The following SEMA6D variants were observed in gnomAD, a reference collection of about 807,000 sequenced individuals.
The protein encoded by SEMA6D is semaphorin 6D, also known as semaphorin-6D.
In SEMA6D, 35 loss-of-function variants were observed where a neutral mutation model predicts 106.6. That is an observed-to-expected ratio of 0.33 (90% confidence interval 0.25 to 0.44). The LOEUF (loss-of-function observed/expected upper bound fraction) is 0.44. SEMA6D is among the 20% of genes least tolerant of loss of function. The pLI is 1.00. For synonymous variants in SEMA6D, 499 were observed against 487.7 expected, an observed-to-expected ratio of 1.02 and a Z score of -0.31; for missense variants, 1,185 against 1,345.9, an observed-to-expected ratio of 0.88 and a Z score of 1.87.
At chr15:47,230,932 T>A (rs997811946) in intron 1 of SEMA6D, among the ~76,000 whole-genome samples, 2 of 151,946 alleles carry the variant, frequency 1.3e-5, no homozygotes, top group Non-Finnish European at 2.9e-5. Flanking sequence ...TACAAATAAA[T>A]CTTAGTCACT....
At chr15:47,717,012 CG>C (rs2079135349), upstream of SEMA6D, 1 of 152,180 alleles carries the variant, frequency 6.6e-6, no homozygotes, top group Non-Finnish European at 1.5e-5. Context: ...CAGAACTTCA[CG>C]GAACAACTGC....
chr15:47,470,479 G>A (rs774633359), exon 3 of SEMA6D: 3 of 151,534 alleles, frequency 2.0e-5, no homozygotes, highest in Non-Finnish European at 2.9e-5. Context: ...TGTAGAATGC[G>A]TAATCCTGGA....
chr15:47,278,201 G>A (rs1381907782), intron 1 of SEMA6D, among the ~76,000 whole-genome samples: 45 of 152,172 alleles, frequency 3.0e-4, no homozygotes, highest in South Asian at 2.9e-3. Flanking sequence ...GACTTCCACA[G>A]TGGTTGAACT....
intron 3 of SEMA6D, among the ~76,000 whole-genome samples, chr15:47,576,156 A>G (rs767017621): frequency 3.9e-5 from 6 of 152,230 alleles, no homozygotes; most frequent in Non-Finnish European, 8.8e-5. Context: ...TTTTAACTGA[A>G]AGCTACCTTG....
At chr15:47,610,591 C>A (rs1292513899) in intron 4 of SEMA6D, among the ~76,000 whole-genome samples, 4 of 152,194 alleles carry the variant, frequency 2.6e-5, no homozygotes, top group Non-Finnish European at 5.9e-5. Context: ...TATCATTTTT[C>A]ACTCTTTTGA....
At chr15:47,409,307 A>G (rs2040703266) in intron 1 of SEMA6D, among the ~76,000 whole-genome samples, 1 of 152,218 alleles carries the variant, frequency 6.6e-6, no homozygotes, top group Admixed American at 6.5e-5. Flanking sequence ...CTGCCAAGAA[A>G]AGAAAATCCT....
chr15:47,690,351 T>TG (rs1285557726), intron 4 of SEMA6D, among the ~76,000 whole-genome samples: 5 of 152,206 alleles, frequency 3.3e-5, no homozygotes, highest in Non-Finnish European at 5.9e-5. Context: ...TAATGATAGA[T>TG]GGAAAAAAAA....
At chr15:47,534,533 A>G (rs1215518228) in intron 3 of SEMA6D, among the ~76,000 whole-genome samples, 1 of 152,204 alleles carries the variant, frequency 6.6e-6, no homozygotes, top group Admixed American at 6.5e-5. Flanking sequence ...GCCTAATAAA[A>G]TAATTTTCAT....
chr15:47,347,235 A>G (rs550800356), intron 1 of SEMA6D, among the ~76,000 whole-genome samples: 1 of 152,296 alleles, frequency 6.6e-6, no homozygotes, highest in South Asian at 2.1e-4. Flanking sequence ...TCTAAGGTAA[A>G]CCAAATTACC....
chr15:47,632,677 G>A (rs1031441925), intron 4 of SEMA6D, among the ~76,000 whole-genome samples: 1 of 151,882 alleles, frequency 6.6e-6, no homozygotes, highest in East Asian at 1.9e-4. Context: ...TTTGAAGTGA[G>A]TTTCTTATAA....
At chr15:47,367,714 A>G (rs2039107519) in intron 1 of SEMA6D, among the ~76,000 whole-genome samples, 1 of 147,834 alleles carries the variant, frequency 6.8e-6, no homozygotes, top group Non-Finnish European at 1.5e-5. Context: ...ACACACACAC[A>G]CACACACACA....
chr15:47,501,842 TGGA>T (rs978380717), intron 3 of SEMA6D, among the ~76,000 whole-genome samples: 1 of 149,630 alleles, frequency 6.7e-6, no homozygotes, highest in African/African-American at 2.5e-5. Context: ...ACCTACTGGC[TGGA>T]GGAGATTTTT....
chr15:47,187,738 A>G (rs887420440), intron 1 of SEMA6D, among the ~76,000 whole-genome samples: 1 of 152,032 alleles, frequency 6.6e-6, no homozygotes. Flanking sequence ...TTTTTCTCCT[A>G]TGTCATAAAT....
chr15:47,532,960 T>C (rs1470171505), intron 3 of SEMA6D, among the ~76,000 whole-genome samples: 4 of 152,080 alleles, frequency 2.6e-5, no homozygotes, highest in Non-Finnish European at 5.9e-5. Flanking sequence ...TTTGATGATA[T>C]TGATGATGAT....
intron 1 of SEMA6D, among the ~76,000 whole-genome samples, chr15:47,378,580 T>C (rs1182433856): frequency 6.6e-6 from 1 of 152,186 alleles, no homozygotes; most frequent in African/African-American, 2.4e-5. Context: ...TCTTACTAGC[T>C]TGCTTATTTC....
intron 1 of SEMA6D, among the ~76,000 whole-genome samples, chr15:47,186,443 G>A (rs1893576402): frequency 6.6e-6 from 1 of 152,054 alleles, no homozygotes; most frequent in African/African-American, 2.4e-5. Context: ...AAATATGTAT[G>A]TGGAAAAGTG....
chr15:47,451,650 GT>G (rs1163794728), intron 2 of SEMA6D, among the ~76,000 whole-genome samples: 8 of 151,942 alleles, frequency 5.3e-5, no homozygotes, highest in African/African-American at 1.9e-4. Context: ...TTTTATTTAG[GT>G]TTATAACCTG....
intron 1 of SEMA6D, among the ~76,000 whole-genome samples, chr15:47,276,956 A>G (rs187339947): frequency 6.6e-6 from 1 of 152,180 alleles, no homozygotes; most frequent in African/African-American, 2.4e-5. Context: ...AGATGTTTCA[A>G]TGAAATTGAT....
chr15:47,262,671 A>C (rs2034133787), intron 1 of SEMA6D, among the ~76,000 whole-genome samples: 1 of 152,108 alleles, frequency 6.6e-6, no homozygotes, highest in Non-Finnish European at 1.5e-5. Context: ...TACCATTGGC[A>C]TTCTTCACAG....
Sources: gnomAD v4.1 joint callset for allele counts (sites outside exome capture counted in the v4.1 genomes callset) on GRCh38, gnomAD v4.1.1 for gene constraint, MANE v1.5 for transcripts, NCBI Gene and HGNC (gene_info 2026-07-23, HGNC 2026-07-21) for gene names.